PIEZO2: variants seen among roughly 807,000 people sequenced by gnomAD.
The protein encoded by PIEZO2 is piezo type mechanosensitive ion channel component 2, also known as piezo-type mechanosensitive ion channel component 2.
PIEZO2 carries 172 observed loss-of-function variants against 337.3 expected under a neutral mutation model. That is an observed-to-expected ratio of 0.51 (90% confidence interval 0.45 to 0.58). PIEZO2 has a LOEUF of 0.58. Ranked by LOEUF, PIEZO2 falls within the 20% of genes least tolerant of loss-of-function variation. PIEZO2 has a pLI of 0.00. For synonymous variants in PIEZO2, 1,251 were observed against 1,228.5 expected (o/e 1.02, Z -0.38); for missense variants, 3,028 against 3,391.3 (o/e 0.89, Z 2.66).
Position 10,894,284 on chromosome 18 carries a change from T to A in PIEZO2, c.329+16902A>T, listed in dbSNP as rs2042834684. On this transcript the variant is annotated intron_variant, in intron 4 of 55. Transcript: ENST00000674853. This position sits in a 1 kb window ranked among gnomAD's most constrained non-coding sequence, Gnocchi z 4.1. ...CTGGCCAACATGGAGAAATCCCCTC[T>A]GTACTAAAAATACAAAAAAAACAGC... Among the ~76,000 whole-genome samples, 1 of 151,688 alleles carries A rather than the reference T, an allele frequency of 6.6e-6. No homozygotes were observed. Among genetic ancestry groups the A allele is most frequent in the Non-Finnish European group, 1.5e-5 (1 of 68,020 alleles).
rs2036314038 is a variant in PIEZO2 at position 11,021,598 on chromosome 18, C to T, written c.161-41938G>A. On this transcript the variant is annotated intron_variant, in intron 2 of 55. Coordinates refer to ENST00000674853, the MANE Select transcript of PIEZO2 (RefSeq NM_001378183.1). The surrounding 1 kb of genome is among the most constrained non-coding windows in gnomAD (Gnocchi z 4.7). ...ACACAGTCACCATCGTGAATGAAAA[C>T]CACCAAGTGGGGTTCCTGGGGGACT... Among the ~76,000 whole-genome samples, 1 of 152,220 alleles carries T rather than the reference C, an allele frequency of 6.6e-6. No homozygotes were observed. Among genetic ancestry groups the T allele is most frequent in the African/African-American group, 2.4e-5 (1 of 41,450 alleles).
intron 4 of PIEZO2, among the ~76,000 whole-genome samples, chr18:10,876,614 T>C (rs532141195): frequency 6.6e-6 from 1 of 152,340 alleles, no homozygotes; most frequent in South Asian, 2.1e-4. Flanking sequence ...AAGTCAGTCA[T>C]TGAAATTATG....
intron 4 of PIEZO2, among the ~76,000 whole-genome samples, chr18:10,906,237 T>C (rs557085962): frequency 1.3e-5 from 2 of 152,198 alleles, no homozygotes; most frequent in Non-Finnish European, 2.9e-5. Flanking sequence ...TGTTCCACTA[T>C]CCAAGTGGAG....
chr18:10,780,229 T>C, intron 18 of PIEZO2, 96 bp downstream of exon 18: 1 of 686,328 alleles, frequency 1.5e-6, no homozygotes, highest in Non-Finnish European at 2.7e-6. Context: ...GTCCACTATC[T>C]GACAACACGA....
chr18:10,991,991 CT>C (rs2035125256), intron 2 of PIEZO2, among the ~76,000 whole-genome samples: 1 of 152,162 alleles, frequency 6.6e-6, no homozygotes, highest in Non-Finnish European at 1.5e-5. Context: ...TGATGATGAG[CT>C]TTTTTTCATA....
At chr18:11,082,885 C>T (rs184909736) in intron 1 of PIEZO2, among the ~76,000 whole-genome samples, 50 of 152,112 alleles carry the variant, frequency 3.3e-4, no homozygotes, top group African/African-American at 1.1e-3. Flanking sequence ...TTGTAATGAG[C>T]GACATTGCAA....
At chr18:10,787,420 A>G (rs1048466149) in intron 15 of PIEZO2, among the ~76,000 whole-genome samples, 40 of 152,150 alleles carry the variant, frequency 2.6e-4, no homozygotes, top group African/African-American at 9.7e-4. Context: ...TGAACCTTCC[A>G]TAAGTGCCTA....
intron 4 of PIEZO2, among the ~76,000 whole-genome samples, chr18:10,907,195 C>A (rs761612720): frequency 6.6e-6 from 1 of 152,082 alleles, no homozygotes; most frequent in Non-Finnish European, 1.5e-5. Context: ...GTAATCCCAG[C>A]ACTTAGGGAG....
rs149319444 is a variant in PIEZO2 at position 10,844,097 on chromosome 18, T to C, written c.917+11256A>G. On this transcript the variant is annotated intron_variant, in intron 7 of 55. Coordinates refer to ENST00000674853, the MANE Select transcript of PIEZO2 (RefSeq NM_001378183.1). ...GCACAGCCTTAGAAGTCAGAGAGAA[T>C]TGGGCTCAAACCCTGGTTCTGTCAT... Among the ~76,000 whole-genome samples, 147 of 152,274 alleles carry C rather than the reference T, an allele frequency of 9.7e-4. 2 individuals are homozygous for C. Among genetic ancestry groups the C allele is most frequent in the Admixed American group, 3.6e-3 (55 of 15,288 alleles).
At chr18:10,720,197 G>T (rs1489231355) in intron 36 of PIEZO2, among the ~76,000 whole-genome samples, 1 of 130,866 alleles carries the variant, frequency 7.6e-6, no homozygotes, top group Non-Finnish European at 1.6e-5. Context: ...ATAGAGAGAG[G>T]ATATATATAT....
At chr18:11,018,824 G>A (rs1275008188) in intron 2 of PIEZO2, among the ~76,000 whole-genome samples, 1 of 152,070 alleles carries the variant, frequency 6.6e-6, no homozygotes, top group African/African-American at 2.4e-5. Flanking sequence ...ATATCTTTTT[G>A]AGGTATACAA....
chr18:10,824,904 C>T lies in PIEZO2; in HGVS notation c.918-17630G>A, dbSNP rs2040623499. Among the ~76,000 whole-genome samples, 1 of 152,184 alleles carries T rather than the reference C, an allele frequency of 6.6e-6. No homozygotes were observed. Among genetic ancestry groups the T allele is most frequent in the South Asian group, 2.1e-4 (1 of 4,828 alleles). On this transcript the variant is annotated intron_variant, in intron 7 of 55. Transcript: ENST00000674853. This position sits in a 1 kb window ranked among gnomAD's most constrained non-coding sequence, Gnocchi z 4.4. ...TTTGAAACAGAGTCTTTCTCTGTCACCCAGGCTGGAGTGCAGTGGTGTGAT... is the reference window on the plus strand; with the variant it reads ...TTTGAAACAGAGTCTTTCTCTGTCATCCAGGCTGGAGTGCAGTGGTGTGAT...
chr18:11,014,558 A>C (rs919206687), intron 2 of PIEZO2, among the ~76,000 whole-genome samples: 3 of 136,032 alleles, frequency 2.2e-5, no homozygotes, highest in African/African-American at 8.6e-5. Flanking sequence ...CTCATTCCTC[A>C]GTGGGGAACA....
intron 2 of PIEZO2, among the ~76,000 whole-genome samples, chr18:11,017,190 G>C (rs2036144862): frequency 6.6e-6 from 1 of 152,220 alleles, no homozygotes; most frequent in Admixed American, 6.5e-5. Context: ...GGTCAAAAAT[G>C]TCTAATTGTC....
intron 3 of PIEZO2, 67 bp from the exon 4 acceptor site, chr18:10,911,295 C>T (rs1481780266): frequency 2.5e-6 from 1 of 402,812 alleles, no homozygotes; most frequent in African/African-American, 2.5e-5. Flanking sequence ...TCGGCTTTTC[C>T]ACACACGCTA....
rs2033368394 is a variant in PIEZO2 at position 10,953,031 on chromosome 18, TG to T, written c.286+26503del. ...TCTTTTAATGTGTTTATTCATCATC[TG>T]TATATCTTCTTTGGTAAAGTGTCTA... On this transcript the variant is annotated intron_variant, in intron 3 of 55. Transcript: ENST00000674853. This position sits in a 1 kb window ranked among gnomAD's most constrained non-coding sequence, Gnocchi z 5.2. Among the ~76,000 whole-genome samples the T allele has an allele frequency of 1.3e-5, 2 of 152,214 alleles. No homozygotes were observed. Among genetic ancestry groups the T allele is most frequent in the Non-Finnish European group, 2.9e-5 (2 of 68,038 alleles).
At chr18:10,798,706 G>A (rs2039698548) in intron 11 of PIEZO2, among the ~76,000 whole-genome samples, 1 of 152,200 alleles carries the variant, frequency 6.6e-6, no homozygotes, top group Non-Finnish European at 1.5e-5. Flanking sequence ...TTGTCCACAT[G>A]AAAGTAATGG....
Position 10,689,659 on chromosome 18 carries a change from T to C in PIEZO2, c.7493A>G (p.Glu2498Gly). 1 of 1,614,224 alleles carries C rather than the reference T, an allele frequency of 6.2e-7. No individual in the cohort carries two copies. The highest frequency in any genetic ancestry group is 8.5e-7 in the Non-Finnish European group (1 of 1,180,030). The change falls in exon 49 of 56, where the codon GAG (glutamate) becomes GGG (glycine). Residue 2498 changes from glutamate (E) to glycine (G), a missense_variant. Physicochemically the swap from Glu to Gly is moderately conservative, Grantham distance 98. Transcript: ENST00000674853. ...IFILKCWRES[E>G]KRYPQPRGQK... ...GCACATCTCCTGGCTTCTTACCTTC[T>C]CCGACTCCCGCCAACACTTCAGGAT...
At position 10,830,051 on chromosome 18, in the gene PIEZO2, C is replaced by T. The variant is rs531230091; in HGVS notation, c.918-22777G>A. ...CATTACCTCACTTCGAATTATACTA[C>T]AGAGCTCTAGTAACCAAAACAGTAT... On this transcript the variant is annotated intron_variant, in intron 7 of 55. Transcript: ENST00000674853. The surrounding 1 kb of genome is among the most constrained non-coding windows in gnomAD (Gnocchi z 4.7). 6.6e-6 allele frequency among the ~76,000 whole-genome samples: 1 copy of T among 152,176 alleles called. No homozygotes were observed. Among genetic ancestry groups the T allele is most frequent in the South Asian group, 2.1e-4 (1 of 4,814 alleles).
Sources: gnomAD v4.1 joint callset for allele counts (sites outside exome capture counted in the v4.1 genomes callset) on GRCh38, gnomAD v4.1.1 for gene constraint, Gnocchi (gnomAD v3.1) non-coding constraint, MANE v1.5 for transcripts, NCBI Gene and HGNC (gene_info 2026-07-23, HGNC 2026-07-21) for gene names.